RPS6KA5: variants seen among roughly 807,000 people sequenced by gnomAD.
RPS6KA5 encodes the protein ribosomal protein S6 kinase alpha-5.
Under a neutral mutation model 85.5 loss-of-function variants are expected in RPS6KA5, and 27 were observed. The observed-to-expected ratio is 0.32, with a 90% CI of 0.23 to 0.44. The LOEUF (loss-of-function observed/expected upper bound fraction) is 0.44. Ranked by LOEUF, RPS6KA5 falls within the 20% of genes least tolerant of loss-of-function variation. RPS6KA5 has a pLI of 1.00. For synonymous variants in RPS6KA5, 334 were observed against 348.2 expected, an observed-to-expected ratio of 0.96 and a Z score of 0.46; for missense variants, 811 against 980.9, an observed-to-expected ratio of 0.83 and a Z score of 2.31.
intron 1 of RPS6KA5, among the ~76,000 whole-genome samples, chr14:91,027,680 G>A (rs1191063366): frequency 6.6e-6 from 1 of 152,132 alleles, no homozygotes; most frequent in Non-Finnish European, 1.5e-5. Context: ...CTTGTCTAGG[G>A]TTCTGTTACA....
chr14:91,034,524 G>A (rs1288081439), intron 1 of RPS6KA5, among the ~76,000 whole-genome samples: 1 of 152,036 alleles, frequency 6.6e-6, no homozygotes, highest in African/African-American at 2.4e-5. Context: ...TCTGTGTCTA[G>A]CTAAAGGATT....
chr14:90,940,119 G>A (rs1454927904), intron 5 of RPS6KA5, among the ~76,000 whole-genome samples: 1 of 152,162 alleles, frequency 6.6e-6, no homozygotes, highest in African/African-American at 2.4e-5. Flanking sequence ...TAAACCTGAA[G>A]CCAAGCATGA....
chr14:91,028,096 T>A (rs1402590247), intron 1 of RPS6KA5, among the ~76,000 whole-genome samples: 1 of 152,232 alleles, frequency 6.6e-6, no homozygotes, highest in African/African-American at 2.4e-5. Flanking sequence ...AATATTTTAT[T>A]TGGCCAAATG....
At chr14:91,003,732 G>A (rs1184902249) in intron 1 of RPS6KA5, among the ~76,000 whole-genome samples, 7 of 152,170 alleles carry the variant, frequency 4.6e-5, no homozygotes, top group Non-Finnish European at 1.0e-4. Flanking sequence ...TGGTAGGTAA[G>A]GCAGAGCTCT....
chr14:90,899,673 C>A (rs1043545952), intron 11 of RPS6KA5, among the ~76,000 whole-genome samples: 5 of 152,086 alleles, frequency 3.3e-5, no homozygotes, highest in African/African-American at 1.2e-4. Context: ...ACTTTCCTGA[C>A]AATTTAGAGT....
intron 1 of RPS6KA5, among the ~76,000 whole-genome samples, chr14:91,028,916 C>T (rs1311428630): frequency 6.6e-6 from 1 of 152,134 alleles, no homozygotes; most frequent in Non-Finnish European, 1.5e-5. Flanking sequence ...TCATTAATTA[C>T]CTGTTTACTT....
chr14:91,030,865 G>A (rs2042163099), intron 1 of RPS6KA5, among the ~76,000 whole-genome samples: 1 of 151,784 alleles, frequency 6.6e-6, no homozygotes, highest in Non-Finnish European at 1.5e-5. Flanking sequence ...CAAATGTAAA[G>A]TAAAGATGCA....
rs72471550 is a variant in RPS6KA5 at position 90,855,431 on chromosome 14, A to ATTATTTT, written c.*16636_*16642dup. 6.6e-6 allele frequency: 1 copy of ATTATTTT among 151,398 alleles called. No homozygotes were observed. Among genetic ancestry groups the ATTATTTT allele is most frequent in the Non-Finnish European group, 1.5e-5 (1 of 67,834 alleles). The allele number at this position is 151,398 out of a possible 1,614,324, so 9.4% of individuals were successfully genotyped here. ...ACTCAAACAAAGGCCTGGTACTTAC[A>ATTATTTT]TTATTTTTTATTTTTTATTTTTTTG... On this transcript the variant is annotated 3_prime_UTR_variant, in exon 17 of 17. Coordinates refer to ENST00000614987, the MANE Select transcript of RPS6KA5 (RefSeq NM_004755.4).
intron 5 of RPS6KA5, among the ~76,000 whole-genome samples, chr14:90,942,053 A>C (rs974880587): frequency 1.3e-5 from 2 of 152,230 alleles, no homozygotes; most frequent in African/African-American, 4.8e-5. Flanking sequence ...GAAGGCAGAG[A>C]TCATTTTCAC....
intron 3 of RPS6KA5, among the ~76,000 whole-genome samples, chr14:90,961,809 CA>C (rs1412693887): frequency 6.6e-6 from 1 of 151,856 alleles, no homozygotes; most frequent in African/African-American, 2.4e-5. Flanking sequence ...GCTGTTTTCT[CA>C]AAAAAAGTAC....
At chr14:91,047,927 T>G (rs1216958177) in intron 1 of RPS6KA5, among the ~76,000 whole-genome samples, 2 of 152,202 alleles carry the variant, frequency 1.3e-5, no homozygotes, top group Non-Finnish European at 2.9e-5. Context: ...TCACATCACC[T>G]TCTCTGACTC....
Position 90,890,580 on chromosome 14 carries a change from A to G in RPS6KA5, c.1743T>C (p.Thr581=). 6.2e-7 allele frequency: 1 copy of G among 1,614,180 alleles called. No homozygotes were observed. Among genetic ancestry groups the G allele is most frequent in the Non-Finnish European group, 8.5e-7 (1 of 1,180,018 alleles). The part of the protein sequence containing the change: ...LKPPDNQPLK[T]PCFTLHYAAP... ...CGGCATAATGAAGGGTGAAGCATGG[A>G]GTCTTCAGGGGCTGATTATCCGGTG... Residue 581 remains threonine (T), a synonymous_variant, in exon 14 of 17, where the codon ACT becomes ACC. Transcript: ENST00000614987.
intron 8 of RPS6KA5, among the ~76,000 whole-genome samples, chr14:90,904,031 G>C (rs2035349357): frequency 6.6e-6 from 1 of 151,136 alleles, no homozygotes; most frequent in Non-Finnish European, 1.5e-5. Context: ...ACTACTACAA[G>C]CTCCACCTCC....
At chr14:90,996,885 C>T (rs2040547066) in intron 2 of RPS6KA5, among the ~76,000 whole-genome samples, 1 of 152,104 alleles carries the variant, frequency 6.6e-6, no homozygotes, top group Admixed American at 6.5e-5. Flanking sequence ...TGAGAAACTG[C>T]TATGCATAAG....
intron 3 of RPS6KA5, among the ~76,000 whole-genome samples, chr14:90,961,317 A>G (rs575601591): frequency 5.9e-5 from 9 of 152,338 alleles, no homozygotes; most frequent in Admixed American, 2.0e-4. Flanking sequence ...CCAGAGTTGT[A>G]CATCTTATGA....
intron 1 of RPS6KA5, among the ~76,000 whole-genome samples, chr14:91,007,640 T>G (rs566247853): frequency 1.3e-5 from 2 of 152,280 alleles, no homozygotes; most frequent in Admixed American, 6.5e-5. Context: ...ACAGGTACCT[T>G]TTCACATTCC....
At chr14:91,017,081 C>T (rs1286140) in intron 1 of RPS6KA5, among the ~76,000 whole-genome samples, 2,150 of 152,240 alleles carry the variant, frequency 0.014, 65 homozygotes, top group African/African-American at 0.05. Flanking sequence ...ATGGTGGTTA[C>T]GCATGGGCTC....
chr14:91,034,114 C>A (rs1209249085), intron 1 of RPS6KA5, among the ~76,000 whole-genome samples: 3 of 152,018 alleles, frequency 2.0e-5, no homozygotes, highest in African/African-American at 7.3e-5. Context: ...AGAGACCAGC[C>A]TGGGCAACAC....
At chr14:90,955,978 A>G (rs200891975) in intron 3 of RPS6KA5, among the ~76,000 whole-genome samples, 1 of 152,232 alleles carries the variant, frequency 6.6e-6, no homozygotes, top group Non-Finnish European at 1.5e-5. Flanking sequence ...TGGGTCAAAA[A>G]TATTCAGAAA....
Sources: gnomAD v4.1 joint callset for allele counts (sites outside exome capture counted in the v4.1 genomes callset) on GRCh38, gnomAD v4.1.1 for gene constraint, MANE v1.5 for transcripts, NCBI Gene and HGNC (gene_info 2026-07-23, HGNC 2026-07-21) for gene names.